Variants in LEMD3 observed in about 807,000 individuals in gnomAD.
LEMD3 encodes LEM domain containing 3, also known as inner nuclear membrane protein Man1.
In LEMD3, 33 loss-of-function variants were observed where a neutral mutation model predicts 95.2. That is an observed-to-expected ratio of 0.35 (90% CI 0.26 to 0.46). The LOEUF (loss-of-function observed/expected upper bound fraction) is 0.46, where lower values mean the gene tolerates loss of function less well. Among genes scored for constraint, LEMD3 ranks in the 20% least tolerant of loss-of-function variants. The pLI is 1.00. For missense variants in LEMD3, 1,210 were observed against 1,192.8 expected (o/e 1.01, Z -0.21); for synonymous variants, 525 against 474.6 (o/e 1.11, Z -1.38).
At chr12:65,195,683 C>T (rs762515433) in intron 1 of LEMD3, among the ~76,000 whole-genome samples, 1 of 151,996 alleles carries the variant, frequency 6.6e-6, no homozygotes, top group African/African-American at 2.4e-5. Context: ...AGGTAAAGCC[C>T]CAGTTACAAC....
chr12:65,215,935 T>TTTTTGTAATTGGGTA, intron 2 of LEMD3, 42 bp from the exon 3 acceptor site: 2 of 872,300 alleles, frequency 2.3e-6, no homozygotes, highest in Non-Finnish European at 3.7e-6. Flanking sequence ...GTGTTTTTTT[T>TTTTTGTAATTGGGTA]CTTGTAATTG....
intron 1 of LEMD3, among the ~76,000 whole-genome samples, chr12:65,196,790 C>T (rs1005982899): frequency 6.6e-6 from 1 of 152,106 alleles, no homozygotes; most frequent in African/African-American, 2.4e-5. Flanking sequence ...TCAAGGGGCT[C>T]AGTGGGGGCA....
At position 65,215,909 on chromosome 12, in the gene LEMD3, G is replaced by A. The variant is rs1246069487; in HGVS notation, c.1561-68G>A. On this transcript the variant is annotated intron_variant, in intron 2 of 12. Coordinates refer to ENST00000308330, the MANE Select transcript of LEMD3 (RefSeq NM_014319.5). Reference sequence around the variant, plus strand: ...TTAAATTTACTGTTTTTTTTTTTTTGATTAAGAATTATTTGGTGTTTTTTT... The same window carrying A: ...TTAAATTTACTGTTTTTTTTTTTTTAATTAAGAATTATTTGGTGTTTTTTT... The A allele has an allele frequency of 6.6e-6, 3 of 452,096 alleles. No homozygotes were observed. In the African/African-American group the frequency reaches 7.8e-5, roughly 12 times the overall value. The allele number at this position is 452,096 out of a possible 1,614,324, so 28.0% of individuals were successfully genotyped here. A position where few individuals can be genotyped will look rare whatever the true frequency, so the allele number is the denominator to read the frequency against.
At position 65,247,402 on chromosome 12, in the gene LEMD3, ATTGTTGCAGCAAAATGTGTATT is replaced by A. The variant is rs1411288984; in HGVS notation, c.*1079_*1100del. The A allele has an allele frequency of 1.3e-5, 2 of 152,578 alleles. No individual in the cohort carries two copies. Among genetic ancestry groups the A allele is most frequent in the Non-Finnish European group, 2.9e-5 (2 of 68,006 alleles). The allele number at this position is 152,578 out of a possible 1,614,324, so 9.5% of individuals were successfully genotyped here. ...ATATGTCAAGTTTAAAGCAGGGCAC[ATTGTTGCAGCAAAATGTGTATT>A]TGACAAATTATACTTGCAATTTTGG... On this transcript the variant is annotated 3_prime_UTR_variant, in exon 13 of 13. Coordinates refer to ENST00000308330, the MANE Select transcript of LEMD3 (RefSeq NM_014319.5).
intron 4 of LEMD3, among the ~76,000 whole-genome samples, chr12:65,227,624 T>C (rs1450048290): frequency 6.6e-6 from 1 of 152,204 alleles, no homozygotes; most frequent in Non-Finnish European, 1.5e-5. Flanking sequence ...TAAATAGTTA[T>C]TATTATACTG....
At chr12:65,217,256 C>A (rs965692766) in intron 3 of LEMD3, among the ~76,000 whole-genome samples, 1 of 152,124 alleles carries the variant, frequency 6.6e-6, no homozygotes, top group Non-Finnish European at 1.5e-5. Context: ...ATGAAAGCAG[C>A]CATAAATACT....
At chr12:65,221,881 C>T (rs1870303206) in intron 4 of LEMD3, among the ~76,000 whole-genome samples, 1 of 151,844 alleles carries the variant, frequency 6.6e-6, no homozygotes, top group Non-Finnish European at 1.5e-5. Flanking sequence ...GATGGGATTA[C>T]AGGTGTGTGC....
rs780904042 is a variant in LEMD3 at position 65,238,774 on chromosome 12, T to C, written c.1881T>C (p.Ala627=). ...CTTTTTGGTGTCGTTTTCGACGTGC[T>C]TTTGTTACTGTAACTCACAGATTAT... ...LMSFWCRFRR[A]FVTVTHRLLL... The change falls in exon 6 of 13, where the codon GCT becomes GCC. Residue 627 remains alanine (A), a synonymous_variant. Coordinates refer to ENST00000308330, the MANE Select transcript of LEMD3 (RefSeq NM_014319.5). 6.2e-7 allele frequency: 1 copy of C among 1,614,106 alleles called. No individual in the cohort carries two copies. The highest frequency in any genetic ancestry group is 1.1e-5 in the South Asian group (1 of 91,084).
rs769003974 is a variant in LEMD3, at chr12:65,213,005, C to G, written c.1560+2042C>G. Among the ~76,000 whole-genome samples, 87 of 152,158 alleles carry G rather than the reference C, an allele frequency of 5.7e-4. 2 individuals carry two copies. Among genetic ancestry groups the G allele is most frequent in the Non-Finnish European group, 2.6e-4 (18 of 68,030 alleles). Reference sequence around the variant, plus strand: ...TGAACCAAAACCTTTGTTTCTTTCTCAAAATGTGTTCATTCACTTAATAGC... The same window carrying G: ...TGAACCAAAACCTTTGTTTCTTTCTGAAAATGTGTTCATTCACTTAATAGC... On this transcript the variant is annotated intron_variant, in intron 2 of 12. Transcript: ENST00000308330.
In LEMD3 at chr12:65,170,782, G is replaced by A; in HGVS notation, c.1186G>A (p.Gly396Arg). 6.2e-7 allele frequency: 1 copy of A among 1,614,222 alleles called. No homozygotes were observed. Among genetic ancestry groups the A allele is most frequent in the Non-Finnish European group, 8.5e-7 (1 of 1,180,046 alleles). Residue 396 changes from glycine (G) to arginine (R), a missense_variant, in exon 1 of 13, where the codon GGG becomes AGG. This residue lies in a region of LEMD3 where 749 missense variants were observed against 622.9 expected (regional missense o/e 1.20). Coordinates refer to ENST00000308330, the MANE Select transcript of LEMD3 (RefSeq NM_014319.5). ...GAAAACCAATAATCATATTGGCGGTGGGGCCTTCAGTGTGGACTCCCCCAG... is the reference window on the plus strand; with the variant it reads ...GAAAACCAATAATCATATTGGCGGTAGGGCCTTCAGTGTGGACTCCCCCAG... ...LLKTNNHIGG[G>R]AFSVDSPRIY...
At chr12:65,206,471 G>A (rs1869767647) in intron 1 of LEMD3, among the ~76,000 whole-genome samples, 1 of 152,118 alleles carries the variant, frequency 6.6e-6, no homozygotes, top group Non-Finnish European at 1.5e-5. Context: ...ATAACACCTG[G>A]ACAAGTAGGC....
intron 6 of LEMD3, among the ~76,000 whole-genome samples, chr12:65,239,149 A>G (rs1267844149): frequency 2.0e-5 from 3 of 152,210 alleles, no homozygotes; most frequent in Admixed American, 1.3e-4. Flanking sequence ...AAGTTTATTA[A>G]AATTTAGTTT....
At chr12:65,177,776 C>T (rs572207492) in intron 1 of LEMD3, among the ~76,000 whole-genome samples, 8 of 151,008 alleles carry the variant, frequency 5.3e-5, no homozygotes, top group Non-Finnish European at 7.4e-5. Context: ...CAAAAGGTCC[C>T]GAACTTGGTA....
chr12:65,234,033 A>G (rs2053993876), intron 4 of LEMD3, among the ~76,000 whole-genome samples: 1 of 152,206 alleles, frequency 6.6e-6, no homozygotes, highest in African/African-American at 2.4e-5. Flanking sequence ...CAATAGTAAT[A>G]AAAGTTGTGC....
intron 1 of LEMD3, among the ~76,000 whole-genome samples, chr12:65,180,650 C>T (rs1868872984): frequency 6.6e-6 from 1 of 151,834 alleles, no homozygotes; most frequent in African/African-American, 2.4e-5. Flanking sequence ...AAAATTATAC[C>T]ACTGAATTTT....
intron 4 of LEMD3, among the ~76,000 whole-genome samples, chr12:65,220,079 T>C (rs955321986): frequency 7.9e-5 from 12 of 152,234 alleles, no homozygotes; most frequent in African/African-American, 2.7e-4. Context: ...GTGGGATTGA[T>C]AGATAATATG....
rs186840211 is a variant in LEMD3 at position 65,218,866 on chromosome 12, G to T, written c.1695+247G>T. 6.2e-5 allele frequency among the ~76,000 whole-genome samples: 9 copies of T among 144,478 alleles called. No homozygotes were observed. The East Asian group carries it at 1.8e-3, about 29-fold the overall frequency. 94.8% of individuals were successfully genotyped at this position (144,478 alleles called of 152,430 possible). ...GTGCAATGGCTGATCTCGACTCACT[G>T]CAACGTTCGCAACCGGGGTTCAAGC... On this transcript the variant is annotated intron_variant, in intron 4 of 12. Coordinates refer to ENST00000308330, the MANE Select transcript of LEMD3 (RefSeq NM_014319.5).
At chr12:65,222,708 T>G (rs1870329158) in intron 4 of LEMD3, among the ~76,000 whole-genome samples, 1 of 152,030 alleles carries the variant, frequency 6.6e-6, no homozygotes. Context: ...AGTATGTTCT[T>G]TTTTTAGTTC....
At chr12:65,198,800 T>C (rs1208740772) in intron 1 of LEMD3, among the ~76,000 whole-genome samples, 2 of 152,200 alleles carry the variant, frequency 1.3e-5, no homozygotes, top group Non-Finnish European at 2.9e-5. Context: ...AAAATTTGTA[T>C]TATTTTGTAT....
Sources: allele counts gnomAD v4.1 joint callset (sites outside exome capture counted in the v4.1 genomes callset), GRCh38; gene constraint gnomAD v4.1.1; regional missense constraint gnomAD v4.1.1; transcripts MANE v1.5; gene names NCBI Gene and HGNC (gene_info 2026-07-23, HGNC 2026-07-21).